TMEM135: variants seen among roughly 807,000 people sequenced by gnomAD.
The protein encoded by TMEM135 is transmembrane protein 135.
TMEM135 carries 30 observed loss-of-function variants against 60.3 expected under a neutral mutation model. The observed-to-expected ratio is 0.50, with a 90% confidence interval of 0.37 to 0.68. The LOEUF (loss-of-function observed/expected upper bound fraction) is 0.68, where lower values mean the gene tolerates loss of function less well. Among genes scored for constraint, TMEM135 ranks in the 30% least tolerant of loss-of-function variants. The pLI is 0.00. For missense variants in TMEM135, 468 were observed against 548.8 expected (o/e 0.85, Z 1.47); for synonymous variants, 190 against 186.7 (o/e 1.02, Z -0.14).
chr11:87,206,096 AAT>A (rs1322503375), intron 5 of TMEM135, among the ~76,000 whole-genome samples: 9 of 152,302 alleles, frequency 5.9e-5, no homozygotes, highest in African/African-American at 1.9e-4. Context: ...ATTCATTTGC[AAT>A]ATGTTTATTG....
intron 4 of TMEM135, among the ~76,000 whole-genome samples, chr11:87,145,526 G>A (rs763575351): frequency 2.0e-5 from 3 of 151,666 alleles, no homozygotes; most frequent in African/African-American, 4.8e-5. Flanking sequence ...CATAATGCCC[G>A]TACTAATTTA....
At chr11:87,307,657 A>G (rs115703868) in intron 9 of TMEM135, among the ~76,000 whole-genome samples, 5,507 of 152,296 alleles carry the variant, frequency 0.036, 94 homozygotes, top group Admixed American at 0.046. Context: ...CAATTTATGT[A>G]TACATTGGAA....
At chr11:87,160,601 T>G (rs1938844849) in intron 5 of TMEM135, among the ~76,000 whole-genome samples, 1 of 152,234 alleles carries the variant, frequency 6.6e-6, no homozygotes, top group Non-Finnish European at 1.5e-5. Flanking sequence ...TAGAGTTTCC[T>G]AATTTTTATT....
intron 10 of TMEM135, 143 bp from the exon 11 acceptor site, chr11:87,313,282 C>A: frequency 1.6e-6 from 1 of 629,408 alleles, no homozygotes; most frequent in Non-Finnish European, 2.9e-6. Context: ...TTTTTCCAAT[C>A]ATGTATGCAG....
rs183295945 is a variant in TMEM135 at position 87,232,240 on chromosome 11, C to T, written c.463-4398C>T. 9.9e-5 allele frequency among the ~76,000 whole-genome samples: 15 copies of T among 151,816 alleles called. No individual in the cohort carries two copies. The East Asian group carries it at 2.3e-3, about 24-fold the overall frequency. Reference sequence around the variant, plus strand: ...TGCTGGGGTTACAGGGATGAGCCATCGCGCCTGGCCAAGGTTTTGTTTTTT... The same window carrying T: ...TGCTGGGGTTACAGGGATGAGCCATTGCGCCTGGCCAAGGTTTTGTTTTTT... On this transcript the variant is annotated intron_variant, in intron 5 of 14. Transcript: ENST00000305494.
intron 1 of TMEM135, among the ~76,000 whole-genome samples, chr11:87,040,836 A>C (rs996862110): frequency 6.6e-6 from 1 of 152,062 alleles, no homozygotes; most frequent in Admixed American, 6.6e-5. Flanking sequence ...ATAGTTACGC[A>C]TATTTTTCTT....
intron 5 of TMEM135, among the ~76,000 whole-genome samples, chr11:87,169,487 G>C (rs904634605): frequency 1.1e-4 from 16 of 151,680 alleles, no homozygotes; most frequent in Admixed American, 3.3e-4. Context: ...GCTCTTGTGA[G>C]GCAGGCCTGG....
chr11:87,262,981 A>G (rs372506594), intron 6 of TMEM135, among the ~76,000 whole-genome samples: 2 of 151,626 alleles, frequency 1.3e-5, no homozygotes, highest in East Asian at 1.9e-4. Flanking sequence ...GTCTTTTCAA[A>G]GCATTCAACT....
chr11:87,315,170 T>TTCCTTCTCCTCCTCC, intron 12 of TMEM135, among the ~76,000 whole-genome samples: 1 of 150,166 alleles, frequency 6.7e-6, no homozygotes, highest in Non-Finnish European at 1.5e-5. Context: ...CCTCCTCCTC[T>TTCCTTCTCCTCCTCC]TCCTTCTCCT....
rs1208526666 is a variant in TMEM135, at chr11:87,326,227, C to T, written c.*4894C>T. ...CTGGTCTTGGCATAGAGGCCATAGG[C>T]ATACAACATGCTTTATCTGCCTTGC... On this transcript the variant is annotated 3_prime_UTR_variant, in exon 15 of 15. Coordinates refer to ENST00000305494, the MANE Select transcript of TMEM135 (RefSeq NM_022918.4). The T allele has an allele frequency of 4.4e-6, 2 of 453,940 alleles. No homozygotes were observed. Among genetic ancestry groups the T allele is most frequent in the Non-Finnish European group, 8.8e-6 (2 of 226,772 alleles). 28.1% of individuals were successfully genotyped at this position (453,940 alleles called of 1,614,324 possible). A position where few individuals can be genotyped will look rare whatever the true frequency, so the allele number is the denominator to read the frequency against.
chr11:87,327,762 G>C lies in TMEM135; in HGVS notation c.*6429G>C, dbSNP rs1328706956. 2.2e-6 allele frequency: 1 copy of C among 453,614 alleles called. No homozygotes were observed. Among genetic ancestry groups the C allele is most frequent in the Non-Finnish European group, 4.4e-6 (1 of 226,544 alleles). The allele number at this position is 453,614 out of a possible 1,614,324, so 28.1% of individuals were successfully genotyped here. A position where few individuals can be genotyped will look rare whatever the true frequency, so the allele number is the denominator to read the frequency against. On this transcript the variant is annotated 3_prime_UTR_variant, in exon 15 of 15. Coordinates refer to ENST00000305494, the MANE Select transcript of TMEM135 (RefSeq NM_022918.4). ...CTGAATTTTCAAGTCTGAGAACCTGGGGGTGGGATGGGGGAGTGATAGTTT... is the reference window on the plus strand; with the variant it reads ...CTGAATTTTCAAGTCTGAGAACCTGCGGGTGGGATGGGGGAGTGATAGTTT...
At chr11:87,301,633 T>C (rs80164810) in intron 7 of TMEM135, among the ~76,000 whole-genome samples, 5,499 of 152,226 alleles carry the variant, frequency 0.036, 94 homozygotes, top group Admixed American at 0.046. Context: ...TGGAAGGTAG[T>C]ATTGCCTTGG....
intron 6 of TMEM135, among the ~76,000 whole-genome samples, chr11:87,252,177 C>G (rs147135046): frequency 6.6e-6 from 1 of 151,978 alleles, no homozygotes; most frequent in Admixed American, 6.6e-5. Context: ...AGAGACTAGA[C>G]TCTGGGAAAG....
chr11:87,258,868 GA>G, intron 6 of TMEM135: 1 of 858,040 alleles, frequency 1.2e-6, no homozygotes. Flanking sequence ...TCCAGGAAGT[GA>G]AGGAAGAGCC....
intron 6 of TMEM135, among the ~76,000 whole-genome samples, chr11:87,286,615 C>CGGGGTG (rs1317985482): frequency 2.6e-5 from 4 of 151,818 alleles, no homozygotes; most frequent in Non-Finnish European, 4.4e-5. Context: ...GAGCACACCA[C>CGGGGTG]GGGGTGGGGG....
intron 4 of TMEM135, among the ~76,000 whole-genome samples, chr11:87,099,290 G>A (rs565164123): frequency 5.3e-5 from 8 of 151,906 alleles, no homozygotes; most frequent in African/African-American, 1.9e-4. Flanking sequence ...ATGTTGGAGA[G>A]CACACTTAAA....
intron 1 of TMEM135, among the ~76,000 whole-genome samples, chr11:87,061,100 C>A (rs917086907): frequency 6.6e-6 from 1 of 152,030 alleles, no homozygotes; most frequent in Admixed American, 6.6e-5. Flanking sequence ...AATGAGTTGA[C>A]ATTTGTATGG....
At chr11:87,128,891 G>A (rs1259602294) in intron 4 of TMEM135, among the ~76,000 whole-genome samples, 1 of 124,638 alleles carries the variant, frequency 8.0e-6, no homozygotes, top group East Asian at 2.9e-4. Context: ...CTATATTTAT[G>A]CAATGGAATA....
chr11:87,324,817 A>C lies in TMEM135; in HGVS notation c.*3484A>C. The C allele has an allele frequency of 2.2e-6, 1 of 453,970 alleles. No individual in the cohort carries two copies. The highest frequency in any genetic ancestry group is 1.6e-5 in the South Asian group (1 of 64,462). The allele number at this position is 453,970 out of a possible 1,614,324, so 28.1% of individuals were successfully genotyped here. On this transcript the variant is annotated 3_prime_UTR_variant, in exon 15 of 15. Transcript: ENST00000305494. The stretch of plus-strand genomic sequence containing the variant: ...CCAAAGGCAAAAGTATACATTTCTT[A>C]CTAAGATATCTTATAAACATTCTCT...
Sources: allele counts gnomAD v4.1 joint callset (sites outside exome capture counted in the v4.1 genomes callset), GRCh38; gene constraint gnomAD v4.1.1; transcripts MANE v1.5; gene names NCBI Gene and HGNC (gene_info 2026-07-23, HGNC 2026-07-21).